IL1RAPL1: variants seen among roughly 807,000 people sequenced by gnomAD.
The protein encoded by IL1RAPL1 is interleukin 1 receptor accessory protein like 1, also known as interleukin-1 receptor accessory protein-like 1.
In IL1RAPL1, 3 loss-of-function variants were observed where a neutral mutation model predicts 48.4. That is an observed-to-expected ratio of 0.06 (90% CI 0.03 to 0.16). IL1RAPL1 has a LOEUF of 0.16. IL1RAPL1 is among the 10% of genes least tolerant of loss of function. The pLI, the probability that IL1RAPL1 is intolerant of heterozygous loss-of-function variation, is 1.00. For missense variants in IL1RAPL1, 349 were observed against 530.6 expected (o/e 0.66, Z 3.36); for synonymous variants, 185 against 187.7 (o/e 0.99, Z 0.12).
At chrX:29,402,019 G>A (rs894355483) in intron 5 of IL1RAPL1, among the ~76,000 whole-genome samples, 1 of 110,853 alleles carries the variant, frequency 9.0e-6, no homozygotes, top group Admixed American at 9.6e-5. Context: ...TCAGCCTCCC[G>A]AGTAGCTGGG....
At chrX:29,167,538 A>G (rs1248587030) in intron 2 of IL1RAPL1, among the ~76,000 whole-genome samples, 2 of 110,617 alleles carry the variant, frequency 1.8e-5, no homozygotes, top group Non-Finnish European at 3.8e-5. Context: ...TTGCTCTGCC[A>G]TAGTTTGTGA....
chrX:28,602,911 C>T (rs908059020), intron 1 of IL1RAPL1, among the ~76,000 whole-genome samples: 12 of 111,701 alleles, frequency 1.1e-4, no homozygotes, highest in Non-Finnish European at 1.9e-4. Context: ...TTTAGTATTG[C>T]TTCATTGAAT....
At chrX:29,179,443 G>A (rs1448217813) in intron 2 of IL1RAPL1, among the ~76,000 whole-genome samples, 2 of 111,916 alleles carry the variant, frequency 1.8e-5, no homozygotes, top group African/African-American at 6.5e-5. Flanking sequence ...TTCTAGGATA[G>A]CTAGTGTGGT....
At chrX:28,639,950 TATC>T (rs1934513151) in intron 1 of IL1RAPL1, among the ~76,000 whole-genome samples, 1 of 111,907 alleles carries the variant, frequency 8.9e-6, no homozygotes, top group Admixed American at 9.5e-5. Context: ...TGTAAGCCCT[TATC>T]ATGAATTACA....
At position 28,953,466 on chromosome X, in the gene IL1RAPL1, G is replaced by C. The variant is rs142306967; in HGVS notation, c.82+164041G>C. Among the ~76,000 whole-genome samples, 667 of 111,452 alleles carry C rather than the reference G, an allele frequency of 6.0e-3. 11 individuals are homozygous for C. Among genetic ancestry groups the C allele is most frequent in the African/African-American group, 0.021 (651 of 30,810 alleles). The stretch of plus-strand genomic sequence containing the variant: ...GAATTTACAAAGACCAAGAAAATGT[G>C]TATTCCTTTATGATTTTTACTGCAT... On this transcript the variant is annotated intron_variant, in intron 2 of 10. Transcript: ENST00000378993.
At chrX:28,955,969 T>C (rs1411966693) in intron 2 of IL1RAPL1, among the ~76,000 whole-genome samples, 1 of 100,960 alleles carries the variant, frequency 9.9e-6, no homozygotes, top group African/African-American at 3.7e-5. Flanking sequence ...TAGTTCTCCT[T>C]GAAGAGGTCC....
intron 5 of IL1RAPL1, among the ~76,000 whole-genome samples, chrX:29,586,281 A>G (rs1035406425): frequency 1.8e-5 from 2 of 111,637 alleles, no homozygotes; most frequent in South Asian, 3.7e-4. Flanking sequence ...TAGTTTCCCC[A>G]ATATCATTTG....
At chrX:28,750,273 T>G (rs918817762) in intron 1 of IL1RAPL1, among the ~76,000 whole-genome samples, 4 of 111,797 alleles carry the variant, frequency 3.6e-5, no homozygotes, top group African/African-American at 1.3e-4. Context: ...ATTTTTTAAA[T>G]TTTTGGATTT....
chrX:29,152,854 G>A (rs1169937823), intron 2 of IL1RAPL1, among the ~76,000 whole-genome samples: 1 of 111,998 alleles, frequency 8.9e-6, no homozygotes, highest in African/African-American at 3.2e-5. Context: ...CCATGATGAG[G>A]ATAAGATAAC....
rs890838619 is a variant in IL1RAPL1 at position 29,372,759 on chromosome X, A to G, written c.363-23499A>G. Among the ~76,000 whole-genome samples, 29 of 85,656 alleles carry G rather than the reference A, an allele frequency of 3.4e-4. No homozygotes were observed. The Admixed American group carries it at 3.6e-3, about 11-fold the overall frequency. The allele number at this position is 85,656 out of a possible 115,157, so 74.4% of individuals were successfully genotyped here. On this transcript the variant is annotated intron_variant, in intron 3 of 10. Coordinates refer to ENST00000378993, the MANE Select transcript of IL1RAPL1 (RefSeq NM_014271.4). ...ATTTCTGAGTTTTCTGTTCTATTCC[A>G]TTGGTCTATGTGTCTTTTTTTTTTT...
At chrX:28,986,539 T>G (rs927449452) in intron 2 of IL1RAPL1, among the ~76,000 whole-genome samples, 11 of 112,197 alleles carry the variant, frequency 9.8e-5, no homozygotes, top group African/African-American at 3.6e-4. Flanking sequence ...TTTATAAAAA[T>G]ATATTTATCA....
intron 5 of IL1RAPL1, among the ~76,000 whole-genome samples, chrX:29,565,292 G>C (rs934272978): frequency 9.2e-6 from 1 of 109,014 alleles, no homozygotes; most frequent in African/African-American, 3.4e-5. Flanking sequence ...TATATTCATG[G>C]TTGCTCAAGA....
Position 29,920,011 on chromosome X carries a change from A to G in IL1RAPL1, c.974A>G (p.Glu325Gly). Reference sequence around the variant, plus strand: ...ATCTCATTAATTGTGGACTCTGTGGAAGAAGGTGACTTGGGAAATTACTCC... The same window carrying G: ...ATCTCATTAATTGTGGACTCTGTGGGAGAAGGTGACTTGGGAAATTACTCC... ...VSISLIVDSVEEGDLGNYSCY... is the reference protein window; with the variant it reads ...VSISLIVDSVGEGDLGNYSCY... The change falls in exon 8 of 11, where the codon GAA becomes GGA. Residue 325 changes from glutamate to glycine, a missense_variant. By Grantham distance (98) the Glu-to-Gly change is moderately conservative. Around this residue, in one of 3 missense-constraint regions of IL1RAPL1, gnomAD observed 238 missense variants for 337.8 expected, o/e 0.70. Transcript: ENST00000378993. 8.3e-7 allele frequency: 1 copy of G among 1,209,934 alleles called. No homozygotes were observed. The highest frequency in any genetic ancestry group is 2.3e-4 in the Middle Eastern group (1 of 4,355).
intron 2 of IL1RAPL1, among the ~76,000 whole-genome samples, chrX:29,182,110 C>G (rs754632672): frequency 4.9e-4 from 54 of 110,009 alleles, no homozygotes; most frequent in Non-Finnish European, 8.7e-4. Flanking sequence ...CCTTGCCCCC[C>G]CCCACCCCAT....
rs73631669 is a variant in IL1RAPL1, at chrX:29,739,106, G to A, written c.778+70602G>A. ...TTTCCCCACTTCATAGACCAGGGAA[G>A]GAAATTTCTGAGAGGTTAATTGATG... On this transcript the variant is annotated intron_variant, in intron 6 of 10. Transcript: ENST00000378993. Among the ~76,000 whole-genome samples, 234 of 111,968 alleles carry A rather than the reference G, an allele frequency of 2.1e-3. 1 individual carries two copies. Among genetic ancestry groups the A allele is most frequent in the African/African-American group, 7.1e-3 (220 of 30,814 alleles).
Position 29,678,810 on chromosome X carries a change from G to A in IL1RAPL1, c.778+10306G>A, listed in dbSNP as rs189962806. Among the ~76,000 whole-genome samples the A allele has an allele frequency of 5.4e-5, 6 of 111,541 alleles. No homozygotes were observed. The East Asian group carries it at 1.7e-3, about 31-fold the overall frequency. On this transcript the variant is annotated intron_variant, in intron 6 of 10. Coordinates refer to ENST00000378993, the MANE Select transcript of IL1RAPL1 (RefSeq NM_014271.4). ...AATTTTTGTTTTCCAAAATTAATCT[G>A]TTTTAAAATAAGTCTTGGCTTCATG...
At chrX:29,645,356 G>C (rs183625893) in intron 5 of IL1RAPL1, among the ~76,000 whole-genome samples, 1 of 111,426 alleles carries the variant, frequency 9.0e-6, no homozygotes, top group South Asian at 3.8e-4. Context: ...AAGAAAAGAC[G>C]CATCAAAGAG....
intron 2 of IL1RAPL1, among the ~76,000 whole-genome samples, chrX:28,807,182 C>T (rs1569177220): frequency 9.0e-6 from 1 of 111,265 alleles, no homozygotes; most frequent in Non-Finnish European, 1.9e-5. Flanking sequence ...AATTACTTAT[C>T]TCTAATGGTA....
chrX:29,226,890 C>A (rs778177555), intron 2 of IL1RAPL1, among the ~76,000 whole-genome samples: 1 of 111,301 alleles, frequency 9.0e-6, no homozygotes, highest in South Asian at 3.7e-4. Context: ...TGTAGCAAAT[C>A]ATTAAAGACA....
Sources: gnomAD v4.1 joint callset for allele counts (sites outside exome capture counted in the v4.1 genomes callset) on GRCh38, gnomAD v4.1.1 for gene constraint, gnomAD v4.1.1 regional missense constraint, MANE v1.5 for transcripts, NCBI Gene and HGNC (gene_info 2026-07-23, HGNC 2026-07-21) for gene names.